ACCSL: variants seen among roughly 807,000 people sequenced by gnomAD.
ACCSL encodes 1-aminocyclopropane-1-carboxylate synthase homolog (inactive) like.
ACCSL carries 55 observed loss-of-function variants against 61.7 expected under a neutral mutation model. The observed-to-expected ratio is 0.89, with a 90% CI of 0.72 to 1.12. The LOEUF (loss-of-function observed/expected upper bound fraction) is 1.12, where lower values mean the gene tolerates loss of function less well. Among genes scored for constraint, ACCSL ranks in the 50% most tolerant of loss-of-function variants. ACCSL has a pLI of 0.00. For synonymous variants in ACCSL, 258 were observed against 264.3 expected (o/e 0.98, Z 0.23); for missense variants, 632 against 698.0 (o/e 0.91, Z 1.07).
At chr11:44,034,202 A>G in the ACCSL span, among the ~76,000 whole-genome samples, 128,238 of 152,202 alleles carry the variant, frequency 0.84, 54,148 homozygotes, top group African/African-American at 0.89. Flanking sequence ...CCCACACCCC[A>G]TCTGGGACTG....
chr11:44,019,236 A>G, the ACCSL span, among the ~76,000 whole-genome samples: 2 of 152,178 alleles, frequency 1.3e-5, no homozygotes, highest in African/African-American at 4.8e-5. Context: ...ATTGTTATGA[A>G]CATATGTGTA....
At chr11:43,994,104 A>T in the ACCSL span, among the ~76,000 whole-genome samples, 2 of 152,202 alleles carry the variant, frequency 1.3e-5, no homozygotes, top group African/African-American at 2.4e-5. Flanking sequence ...TTGTATGGAG[A>T]TTTGTTTTTA....
the ACCSL span, among the ~76,000 whole-genome samples, chr11:43,962,741 C>T: frequency 6.6e-6 from 1 of 152,204 alleles, no homozygotes; most frequent in African/African-American, 2.4e-5. Flanking sequence ...AAGAAAATAG[C>T]ATCCTGGCTC....
chr11:44,035,155 A>G, the ACCSL span, among the ~76,000 whole-genome samples: 13 of 152,088 alleles, frequency 8.5e-5, no homozygotes, highest in East Asian at 2.3e-3. Context: ...CTTGCTCTCA[A>G]TATCCTACCC....
chr11:43,955,671 T>C, the ACCSL span, among the ~76,000 whole-genome samples: 698 of 152,138 alleles, frequency 4.6e-3, 1 homozygote, highest in African/African-American at 0.016. Flanking sequence ...TCATCAGAAA[T>C]GCAAAAACTT....
At chr11:43,937,397 C>T in the ACCSL span, among the ~76,000 whole-genome samples, 2 of 152,228 alleles carry the variant, frequency 1.3e-5, no homozygotes, top group African/African-American at 2.4e-5. Context: ...AAGGAGGTAA[C>T]ATCTGAGCTG....
At chr11:44,046,225 A>G (rs1232085412), upstream of ACCSL, among the ~76,000 whole-genome samples, 2 of 152,140 alleles carry the variant, frequency 1.3e-5, no homozygotes, top group Non-Finnish European at 2.9e-5. Context: ...TATTTGTTCA[A>G]TTTCTTTCTC....
chr11:43,944,055 C>T, the ACCSL span: 4 of 373,626 alleles, frequency 1.1e-5, no homozygotes, highest in Non-Finnish European at 2.0e-5. Flanking sequence ...GGTCGGTTGC[C>T]TGCCTCCCCA....
the ACCSL span, among the ~76,000 whole-genome samples, chr11:43,946,700 G>A: frequency 2.6e-5 from 4 of 152,176 alleles, no homozygotes; most frequent in African/African-American, 9.7e-5. Flanking sequence ...TTAAGTGAAT[G>A]CCCCACTATT....
At chr11:43,945,680 CA>C in the ACCSL span, 67,173 of 129,062 alleles carry the variant, frequency 0.52, 16,469 homozygotes, top group East Asian at 0.68. Context: ...CCTATCTCTA[CA>C]AAAAAAAAAA....
chr11:43,950,544 G>T, the ACCSL span, among the ~76,000 whole-genome samples: 308 of 152,344 alleles, frequency 2.0e-3, no homozygotes, highest in African/African-American at 7.1e-3. Context: ...TTCCTCCAGG[G>T]CATGCAGCCA....
the ACCSL span, among the ~76,000 whole-genome samples, chr11:43,954,460 G>T: frequency 6.6e-6 from 1 of 152,268 alleles, no homozygotes; most frequent in South Asian, 2.1e-4. Context: ...AGGCACAAAA[G>T]ATTGGTCAGA....
chr11:44,015,316 G>T, the ACCSL span, among the ~76,000 whole-genome samples: 30,266 of 152,142 alleles, frequency 0.2, 3,178 homozygotes, highest in East Asian at 0.3. Context: ...GGCTGGGAGG[G>T]TTAAGCACGT....
the ACCSL span, among the ~76,000 whole-genome samples, chr11:43,938,386 A>G: frequency 1.3e-5 from 2 of 152,352 alleles, no homozygotes; most frequent in South Asian, 2.1e-4. Flanking sequence ...GGTGATAACA[A>G]TTCCTTCAGA....
At chr11:43,987,898 T>C in the ACCSL span, among the ~76,000 whole-genome samples, 1 of 152,244 alleles carries the variant, frequency 6.6e-6, no homozygotes, top group South Asian at 2.1e-4. Context: ...GATTTTTCCT[T>C]TCGGGCATTT....
the ACCSL span, among the ~76,000 whole-genome samples, chr11:43,960,704 G>C: frequency 4.6e-5 from 7 of 152,238 alleles, no homozygotes; most frequent in Admixed American, 1.3e-4. Context: ...CTGCTTTAAA[G>C]CAATACTGCA....
the ACCSL span, among the ~76,000 whole-genome samples, chr11:43,997,520 C>T: frequency 6.6e-6 from 1 of 152,204 alleles, no homozygotes; most frequent in Non-Finnish European, 1.5e-5. Flanking sequence ...CTGTTCTCTC[C>T]TCTCCTACTC....
chr11:44,012,125 C>T, the ACCSL span, among the ~76,000 whole-genome samples: 1 of 151,994 alleles, frequency 6.6e-6, no homozygotes, highest in Non-Finnish European at 1.5e-5. Context: ...GGTGATGGCC[C>T]AGGAAGTGGT....
the ACCSL span, among the ~76,000 whole-genome samples, chr11:43,989,572 C>T: frequency 1.3e-5 from 2 of 152,242 alleles, no homozygotes; most frequent in Non-Finnish European, 1.5e-5. Context: ...CCCAGCCCTT[C>T]CCTTCCTCGT....
Sources: gnomAD v4.1 joint callset for allele counts (sites outside exome capture counted in the v4.1 genomes callset) on GRCh38, gnomAD v4.1.1 for gene constraint, MANE v1.5 for transcripts, NCBI Gene and HGNC (gene_info 2026-07-23, HGNC 2026-07-21) for gene names.